MITF: variants seen among roughly 807,000 people sequenced by gnomAD.
The protein encoded by MITF is microphthalmia-associated transcription factor.
Under a neutral mutation model 60.5 loss-of-function variants are expected in MITF, and 17 were observed. The ratio of observed to expected loss-of-function variants is 0.28; its 90% CI spans 0.19 to 0.42. The LOEUF is 0.42. Ranked by LOEUF, MITF falls within the 10% of genes least tolerant of loss-of-function variation. MITF has a pLI of 1.00. For missense variants in MITF, 622 were observed against 683.5 expected (o/e 0.91, Z 1.00); for synonymous variants, 260 against 248.5 (o/e 1.05, Z -0.43).
At position 69,965,292 on chromosome 3, in the gene MITF, T is replaced by G; in HGVS notation, c.*44T>G. On this transcript the variant is annotated 3_prime_UTR_variant, in exon 10 of 10. Transcript: ENST00000352241. ...CATTCGCACAAACTGCTTCCTTTCT[T>G]GATTCGTAGATTTAATAACTTACCT... 1 of 1,602,208 alleles carries G rather than the reference T, an allele frequency of 6.2e-7. No homozygotes were observed. Among genetic ancestry groups the G allele is most frequent in the Non-Finnish European group, 8.5e-7 (1 of 1,170,832 alleles).
chr3:69,923,976 G>A (rs1671692048), intron 2 of MITF, among the ~76,000 whole-genome samples: 1 of 151,984 alleles, frequency 6.6e-6, no homozygotes, highest in African/African-American at 2.4e-5. Context: ...AAATACCTAT[G>A]TAAGCTTAAG....
At position 69,968,264 on chromosome 3, in the gene MITF, C is replaced by T. The variant is rs1318317588; in HGVS notation, c.*3016C>T. On this transcript the variant is annotated 3_prime_UTR_variant, in exon 10 of 10. Transcript: ENST00000352241. ...GTCCATAGCACTGTATATTATGGAT[C>T]GATATTAATGTATCCAATGAAATAA... The T allele has an allele frequency of 4.3e-6, 1 of 231,120 alleles. No individual in the cohort carries two copies. Among genetic ancestry groups the T allele is most frequent in the African/African-American group, 2.2e-5 (1 of 45,194 alleles). The allele number at this position is 231,120 out of a possible 1,614,324, so 14.3% of individuals were successfully genotyped here.
intron 3 of MITF, 156 bp downstream of exon 3, chr3:69,938,205 C>T (rs2065889274): frequency 1.8e-6 from 2 of 1,124,032 alleles, no homozygotes; most frequent in African/African-American, 1.5e-5. Flanking sequence ...GGCATTCCAG[C>T]CTGTTGTCTC....
intron 1 of MITF, among the ~76,000 whole-genome samples, chr3:69,838,839 G>A (rs1008270641): frequency 6.6e-6 from 1 of 152,160 alleles, no homozygotes; most frequent in African/African-American, 2.4e-5. Flanking sequence ...AAAGTCAAAT[G>A]CCCAAGTGCT....
At chr3:69,755,645 A>G (rs1704117257) in intron 1 of MITF, among the ~76,000 whole-genome samples, 1 of 151,918 alleles carries the variant, frequency 6.6e-6, no homozygotes, top group Non-Finnish European at 1.5e-5. Context: ...AAAAGCAGAA[A>G]GGGGGGTTAG....
intron 1 of MITF, among the ~76,000 whole-genome samples, chr3:69,763,311 T>C (rs574588137): frequency 9.8e-5 from 15 of 152,336 alleles, no homozygotes; most frequent in Admixed American, 7.8e-4. Context: ...ATTATTGATC[T>C]CTAGTCTTCA....
At position 69,923,602 on chromosome 3, in the gene MITF, A is replaced by G. The variant is rs2065518577; in HGVS notation, c.355-14220A>G. On this transcript the variant is annotated intron_variant, in intron 2 of 9. Transcript: ENST00000352241. The stretch of plus-strand genomic sequence containing the variant: ...CTCCCAGAGTGCTGGGATTACAGGC[A>G]TGAGTCACCACACCTAGCCTATTTT... Among the ~76,000 whole-genome samples, 15 of 152,322 alleles carry G rather than the reference A, an allele frequency of 9.8e-5. No homozygotes were observed. In the South Asian group the frequency reaches 2.9e-3, roughly 29 times the overall value.
At chr3:69,934,901 G>A (rs1324285162) in intron 2 of MITF, among the ~76,000 whole-genome samples, 3 of 152,120 alleles carry the variant, frequency 2.0e-5, no homozygotes, top group Admixed American at 6.5e-5. Flanking sequence ...TTGAGCATCG[G>A]ATCTTTAAAC....
At chr3:69,923,019 G>A (rs928277433) in intron 2 of MITF, among the ~76,000 whole-genome samples, 1 of 152,188 alleles carries the variant, frequency 6.6e-6, no homozygotes, top group African/African-American at 2.4e-5. Context: ...TTTAACAACA[G>A]TGTCCACCCA....
chr3:69,789,983 G>A (rs982542928), intron 1 of MITF, among the ~76,000 whole-genome samples: 1 of 152,064 alleles, frequency 6.6e-6, no homozygotes. Context: ...CATGTTCATA[G>A]CAGTGCTAGT....
chr3:69,902,146 T>C (rs2065007251), intron 2 of MITF, among the ~76,000 whole-genome samples: 1 of 152,216 alleles, frequency 6.6e-6, no homozygotes, highest in African/African-American at 2.4e-5. Flanking sequence ...CTTGAGACTT[T>C]TTATATGTGA....
At chr3:69,827,478 G>A (rs888653144) in intron 1 of MITF, among the ~76,000 whole-genome samples, 11 of 152,170 alleles carry the variant, frequency 7.2e-5, no homozygotes, top group African/African-American at 1.9e-4. Flanking sequence ...AAAAGGAAAC[G>A]GAGGAACCAC....
At chr3:69,755,433 G>GTTTTTTTTTTTTTTT (rs542141862) in intron 1 of MITF, among the ~76,000 whole-genome samples, 1 of 35,396 alleles carries the variant, frequency 2.8e-5, no homozygotes. Flanking sequence ...ACCCTTCTGG[G>GTTTTTTTTTTTTTTT]TTTTTTTTTT....
At chr3:69,894,490 A>G (rs113555379) in intron 2 of MITF, among the ~76,000 whole-genome samples, 1 of 152,262 alleles carries the variant, frequency 6.6e-6, no homozygotes, top group African/African-American at 2.4e-5. Flanking sequence ...GTTCGAGACC[A>G]GCCTGACCAA....
At chr3:69,881,625 A>G (rs2064490369) in intron 2 of MITF, among the ~76,000 whole-genome samples, 1 of 151,410 alleles carries the variant, frequency 6.6e-6, no homozygotes, top group Non-Finnish European at 1.5e-5. Flanking sequence ...TTATAGAAAG[A>G]TAAGTGAGAG....
chr3:69,761,671 C>A (rs1024462941), intron 1 of MITF, among the ~76,000 whole-genome samples: 1 of 152,162 alleles, frequency 6.6e-6, no homozygotes, highest in Non-Finnish European at 1.5e-5. Flanking sequence ...GTGCTCACAG[C>A]ATGCCTGTCT....
At chr3:69,929,167 C>T (rs1047918683) in intron 2 of MITF, among the ~76,000 whole-genome samples, 3 of 152,146 alleles carry the variant, frequency 2.0e-5, no homozygotes, top group Non-Finnish European at 2.9e-5. Flanking sequence ...CCTTGTTCTT[C>T]GGTTCTGCCC....
chr3:69,870,440 A>ATTTTTTT (rs1356293333), intron 1 of MITF, among the ~76,000 whole-genome samples: 1 of 135,262 alleles, frequency 7.4e-6, no homozygotes, highest in Admixed American at 7.4e-5. Flanking sequence ...ATATATATAT[A>ATTTTTTT]TTTTTTTTTT....
At chr3:69,812,283 T>C (rs1011279297) in intron 1 of MITF, among the ~76,000 whole-genome samples, 3 of 151,942 alleles carry the variant, frequency 2.0e-5, no homozygotes, top group Admixed American at 1.3e-4. Flanking sequence ...TGCAGTCTCA[T>C]AGGGCTGGGG....
Sources: gnomAD v4.1 joint callset for allele counts (sites outside exome capture counted in the v4.1 genomes callset) on GRCh38, gnomAD v4.1.1 for gene constraint, MANE v1.5 for transcripts, NCBI Gene and HGNC (gene_info 2026-07-23, HGNC 2026-07-21) for gene names.